The following CTNNA3 variants were observed in gnomAD, a reference collection of about 807,000 sequenced individuals.
The protein encoded by CTNNA3 is catenin alpha-3.
CTNNA3 carries 76 observed loss-of-function variants against 95.7 expected under a neutral mutation model. The observed-to-expected ratio is 0.79, with a 90% CI of 0.66 to 0.96. The LOEUF is 0.96. CTNNA3 is among the 40% of genes least tolerant of loss of function. The pLI is 0.00. For synonymous variants in CTNNA3, 431 were observed against 374.4 expected (o/e 1.15, Z -1.74); for missense variants, 1,191 against 1,089.8 (o/e 1.09, Z -1.31).
At chr10:67,415,972 T>A (rs943023400) in intron 5 of CTNNA3, among the ~76,000 whole-genome samples, 2 of 152,248 alleles carry the variant, frequency 1.3e-5, no homozygotes, top group African/African-American at 4.8e-5. Context: ...GGGCCCATAC[T>A]TTTTACCATA....
At chr10:67,539,350 A>G (rs574793829) in intron 4 of CTNNA3, among the ~76,000 whole-genome samples, 153 bp downstream of exon 4, 16 of 152,288 alleles carry the variant, frequency 1.1e-4, no homozygotes, top group African/African-American at 3.8e-4. Flanking sequence ...TGAGGTATAC[A>G]TTAGTCTTCA....
chr10:66,399,388 A>C (rs1450870914), intron 11 of CTNNA3, among the ~76,000 whole-genome samples: 1 of 151,898 alleles, frequency 6.6e-6, no homozygotes, highest in Admixed American at 6.6e-5. Flanking sequence ...ACAGAAAAAA[A>C]CCACAAGAGA....
chr10:66,489,839 G>A (rs937846385), intron 11 of CTNNA3, among the ~76,000 whole-genome samples: 4 of 152,284 alleles, frequency 2.6e-5, no homozygotes, highest in Middle Eastern at 3.4e-3. Flanking sequence ...AAAGTCAGAC[G>A]TAGACTACCA....
At chr10:65,960,777 T>C (rs536212058) in intron 17 of CTNNA3, among the ~76,000 whole-genome samples, 9 of 152,180 alleles carry the variant, frequency 5.9e-5, no homozygotes, top group Non-Finnish European at 8.8e-5. Flanking sequence ...TGGTATTTGA[T>C]TTTCTGTTTT....
chr10:67,413,110 G>A (rs1361565091), intron 5 of CTNNA3, among the ~76,000 whole-genome samples: 1 of 152,116 alleles, frequency 6.6e-6, no homozygotes, highest in Non-Finnish European at 1.5e-5. Flanking sequence ...CATCTTACAT[G>A]TAATGACACC....
intron 17 of CTNNA3, among the ~76,000 whole-genome samples, chr10:65,928,783 T>A (rs1384331601): frequency 6.6e-6 from 1 of 152,182 alleles, no homozygotes; most frequent in East Asian, 1.9e-4. Flanking sequence ...TGTTTCTCAT[T>A]ATTTATGTTT....
At chr10:66,333,258 T>C (rs2132327792) in intron 12 of CTNNA3, among the ~76,000 whole-genome samples, 1 of 152,216 alleles carries the variant, frequency 6.6e-6, no homozygotes, top group South Asian at 2.1e-4. Context: ...AGTTATTTCT[T>C]GCCTTCTGGT....
chr10:67,446,581 G>A (rs1441735423), intron 5 of CTNNA3, among the ~76,000 whole-genome samples: 1 of 152,080 alleles, frequency 6.6e-6, no homozygotes, highest in Non-Finnish European at 1.5e-5. Context: ...TTTTCTTATA[G>A]CATTTACTTC....
intron 7 of CTNNA3, among the ~76,000 whole-genome samples, chr10:66,872,010 T>C (rs1434205783): frequency 2.6e-5 from 4 of 152,202 alleles, no homozygotes; most frequent in Non-Finnish European, 5.9e-5. Context: ...CTATATTCTC[T>C]ATTGAAACAC....
At chr10:66,622,756 C>T (rs185316165) in intron 9 of CTNNA3, among the ~76,000 whole-genome samples, 131 of 152,184 alleles carry the variant, frequency 8.6e-4, no homozygotes, top group Admixed American at 1.6e-3. Context: ...AAAATACATC[C>T]AGTTGCGGAG....
At chr10:66,064,219 G>C (rs1379908005) in intron 15 of CTNNA3, among the ~76,000 whole-genome samples, 2 of 152,074 alleles carry the variant, frequency 1.3e-5, no homozygotes, top group Non-Finnish European at 2.9e-5. Flanking sequence ...CTGATAACTC[G>C]CTCACTATCA....
intron 3 of CTNNA3, among the ~76,000 whole-genome samples, chr10:67,573,261 G>A (rs1842033879): frequency 6.6e-6 from 1 of 151,974 alleles, no homozygotes; most frequent in Non-Finnish European, 1.5e-5. Context: ...GTGTCCCTAC[G>A]ACCAACCCCC....
chr10:66,036,956 T>C (rs189744465), intron 15 of CTNNA3, among the ~76,000 whole-genome samples: 1 of 139,256 alleles, frequency 7.2e-6, no homozygotes, highest in East Asian at 2.4e-4. Context: ...CACTGCAAGC[T>C]CCGCTTCGTG....
intron 13 of CTNNA3, among the ~76,000 whole-genome samples, chr10:66,133,106 G>T (rs1266342163): frequency 8.6e-5 from 13 of 151,232 alleles, no homozygotes; most frequent in East Asian, 1.9e-4. Context: ...AAATAGAAAG[G>T]CACCCCATGA....
intron 1 of CTNNA3, among the ~76,000 whole-genome samples, chr10:67,761,475 C>A (rs763323879): frequency 3.9e-5 from 6 of 152,198 alleles, no homozygotes; most frequent in Admixed American, 2.6e-4. Flanking sequence ...CTGTTCCTCC[C>A]AGTATTCTGT....
intron 7 of CTNNA3, among the ~76,000 whole-genome samples, chr10:67,070,346 A>T (rs1856370435): frequency 1.3e-5 from 2 of 152,064 alleles, no homozygotes; most frequent in South Asian, 4.1e-4. Flanking sequence ...CCACTCTGTG[A>T]CTGTCTTTTC....
chr10:67,757,215 A>G (rs2131754419), intron 1 of CTNNA3, among the ~76,000 whole-genome samples: 1 of 152,358 alleles, frequency 6.6e-6, no homozygotes, highest in Admixed American at 6.5e-5. Flanking sequence ...ATCCCTAAAC[A>G]TGGCAGCTTT....
chr10:66,516,071 A>T (rs1011350691), intron 11 of CTNNA3, among the ~76,000 whole-genome samples: 1 of 151,632 alleles, frequency 6.6e-6, no homozygotes, highest in African/African-American at 2.4e-5. Context: ...CTGGAAAAAA[A>T]AAAAAAAAAG....
At chr10:67,019,061 C>T (rs1364652683) in intron 7 of CTNNA3, among the ~76,000 whole-genome samples, 2 of 152,086 alleles carry the variant, frequency 1.3e-5, no homozygotes, top group African/African-American at 4.8e-5. Flanking sequence ...GAATACAGTG[C>T]CTGCACTTAC....
Sources: gnomAD v4.1 joint callset for allele counts (sites outside exome capture counted in the v4.1 genomes callset) on GRCh38, gnomAD v4.1.1 for gene constraint, MANE v1.5 for transcripts, NCBI Gene and HGNC (gene_info 2026-07-23, HGNC 2026-07-21) for gene names.